The following APP variants were observed in gnomAD, a reference collection of about 807,000 sequenced individuals.
APP encodes the protein amyloid beta precursor protein.
A neutral mutation model predicts 101.4 loss-of-function variants in APP; 31 were observed. That is an observed-to-expected ratio of 0.31 (90% CI 0.23 to 0.41). APP has a LOEUF of 0.41. Among genes scored for constraint, APP ranks in the 10% least tolerant of loss-of-function variants. The pLI is 1.00. For synonymous variants in APP, 366 were observed against 364.4 expected (o/e 1.00, Z -0.05); for missense variants, 839 against 1,003.7 (o/e 0.84, Z 2.22).
At chr21:25,953,218 T>C (rs2041169140) in intron 13 of APP, among the ~76,000 whole-genome samples, 1 of 152,212 alleles carries the variant, frequency 6.6e-6, no homozygotes, top group Non-Finnish European at 1.5e-5. Flanking sequence ...TGCACCTCCC[T>C]GACATATGAA....
rs548806022 is a variant in APP, at chr21:25,898,206, T to G, written c.1964-533A>C. On this transcript the variant is annotated intron_variant, in intron 15 of 17. Transcript: ENST00000346798. ...GAAGCGTTGTAAAAATTATATAATT[T>G]TAGTCAAGTGTTCTAGTTACACAGA... 5.3e-5 allele frequency among the ~76,000 whole-genome samples: 8 copies of G among 152,332 alleles called. No homozygotes were observed. In the East Asian group the frequency reaches 1.3e-3, roughly 26 times the overall value.
At chr21:25,904,900 G>T in intron 15 of APP, 124 bp downstream of exon 15, 2 of 835,832 alleles carry the variant, frequency 2.4e-6, no homozygotes, top group Non-Finnish European at 4.0e-6. Context: ...GGTTTCTAAG[G>T]TCACTTCAAA....
intron 9 of APP, among the ~76,000 whole-genome samples, chr21:25,978,472 T>C (rs2042305458): frequency 6.6e-6 from 1 of 152,154 alleles, no homozygotes; most frequent in Non-Finnish European, 1.5e-5. Flanking sequence ...AGCTCGAGGC[T>C]ATGCAGGTAA....
At chr21:26,130,398 T>A (rs1283200677) in intron 1 of APP, among the ~76,000 whole-genome samples, 1 of 152,196 alleles carries the variant, frequency 6.6e-6, no homozygotes, top group Non-Finnish European at 1.5e-5. Context: ...CACGCTGACT[T>A]CCAGGCACAA....
At chr21:25,890,907 G>T (rs1040962527) in intron 17 of APP, among the ~76,000 whole-genome samples, 1 of 151,712 alleles carries the variant, frequency 6.6e-6, no homozygotes, top group African/African-American at 2.4e-5. Flanking sequence ...TTAAAATATC[G>T]CAATTAAATG....
At chr21:25,965,235 C>A (rs970954192) in intron 11 of APP, among the ~76,000 whole-genome samples, 2 of 152,192 alleles carry the variant, frequency 1.3e-5, no homozygotes, top group Non-Finnish European at 2.9e-5. Context: ...GAAGGCAAAG[C>A]GCACAGTGTT....
intron 6 of APP, among the ~76,000 whole-genome samples, chr21:26,014,960 T>C (rs952734289): frequency 4.6e-5 from 7 of 152,178 alleles, no homozygotes; most frequent in African/African-American, 1.7e-4. Context: ...TAAAACTCTA[T>C]CTTGAAATGC....
chr21:26,124,390 G>C (rs73896827), intron 1 of APP, among the ~76,000 whole-genome samples: 3,682 of 152,248 alleles, frequency 0.024, 153 homozygotes, highest in African/African-American at 0.084. Context: ...TAAAAAGCAA[G>C]ACAACCTATT....
At chr21:26,113,992 G>A (rs1388191714) in intron 1 of APP, among the ~76,000 whole-genome samples, 2 of 152,270 alleles carry the variant, frequency 1.3e-5, no homozygotes, top group East Asian at 3.9e-4. Flanking sequence ...TAATGGAATC[G>A]CCATTGTTCC....
chr21:26,159,080 TA>T lies in APP; in HGVS notation c.57+11483del, dbSNP rs2063432029. 2.0e-5 allele frequency among the ~76,000 whole-genome samples: 3 copies of T among 151,512 alleles called. No individual in the cohort carries two copies. The South Asian group carries it at 6.2e-4, about 31-fold the overall frequency. ...ATTCAAAATGAGAGAAACAATAAGA[TA>T]GTAAATTTTTTTTTTTTTTGAGACG... On this transcript the variant is annotated intron_variant, in intron 1 of 17. Transcript: ENST00000346798.
intron 3 of APP, among the ~76,000 whole-genome samples, chr21:26,054,074 A>G (rs1310796012): frequency 6.6e-6 from 1 of 152,234 alleles, no homozygotes; most frequent in African/African-American, 2.4e-5. Context: ...ATTTTTGTTT[A>G]CTGCAATATT....
chr21:26,052,328 C>T (rs1218311913), intron 4 of APP, among the ~76,000 whole-genome samples: 1 of 151,920 alleles, frequency 6.6e-6, no homozygotes, highest in African/African-American at 2.4e-5. Context: ...AACACCACTC[C>T]CTCAAGCTGT....
intron 3 of APP, among the ~76,000 whole-genome samples, chr21:26,080,367 G>A (rs149025265): frequency 2.5e-3 from 377 of 152,200 alleles, no homozygotes; most frequent in African/African-American, 8.7e-3. Context: ...AACCAAAGTC[G>A]CAGGTGATTC....
At chr21:26,059,445 C>T (rs2046178077) in intron 3 of APP, among the ~76,000 whole-genome samples, 1 of 152,164 alleles carries the variant, frequency 6.6e-6, no homozygotes, top group African/African-American at 2.4e-5. Context: ...TTTCCTTGTG[C>T]TATGGGCCCA....
intron 5 of APP, among the ~76,000 whole-genome samples, chr21:26,036,270 T>C (rs368623262): frequency 6.8e-5 from 1 of 14,648 alleles, no homozygotes. Context: ...AAGGCTAGGG[T>C]GGGGGTGGGG....
chr21:25,888,271 G>GC (rs2037469803), intron 17 of APP, among the ~76,000 whole-genome samples: 1 of 152,174 alleles, frequency 6.6e-6, no homozygotes, highest in Admixed American at 6.5e-5. Context: ...TGTTGCAGAA[G>GC]CATCACTTCT....
At chr21:25,976,089 A>ATTC in intron 9 of APP, 61 bp from the exon 10 acceptor site, 1 of 1,321,106 alleles carries the variant, frequency 7.6e-7, no homozygotes, top group Non-Finnish European at 1.1e-6. Flanking sequence ...ATACAGACTT[A>ATTC]ATAGGATGGA....
At chr21:26,091,490 G>A (rs1246879645) in intron 2 of APP, among the ~76,000 whole-genome samples, 1 of 152,184 alleles carries the variant, frequency 6.6e-6, no homozygotes, top group African/African-American at 2.4e-5. Context: ...CTGGAGGGAT[G>A]AGAATCATGA....
At chr21:25,968,743 G>T (rs1488944926) in intron 11 of APP, among the ~76,000 whole-genome samples, 1 of 152,110 alleles carries the variant, frequency 6.6e-6, no homozygotes, top group Non-Finnish European at 1.5e-5. Flanking sequence ...CAAAGAAACT[G>T]AAAACAATCC....
Sources: gnomAD v4.1 joint callset for allele counts (sites outside exome capture counted in the v4.1 genomes callset) on GRCh38, gnomAD v4.1.1 for gene constraint, MANE v1.5 for transcripts, NCBI Gene and HGNC (gene_info 2026-07-23, HGNC 2026-07-21) for gene names.